Variants in ZNF385D observed in about 807,000 individuals in gnomAD.
ZNF385D encodes zinc finger protein 385D, also known as zinc finger protein 659.
In ZNF385D, 15 loss-of-function variants were observed where a neutral mutation model predicts 35.8. The observed-to-expected ratio is 0.42, with a 90% CI of 0.28 to 0.64. ZNF385D has a LOEUF of 0.64. ZNF385D is among the 30% of genes least tolerant of loss of function. The pLI, the probability that ZNF385D is intolerant of heterozygous loss-of-function variation, is 0.23. For synonymous variants in ZNF385D, 212 were observed against 186.8 expected (o/e 1.13, Z -1.10); for missense variants, 474 against 494.6 (o/e 0.96, Z 0.39).
At chr3:22,302,604 T>C (rs1166029544) in intron 2 of ZNF385D, among the ~76,000 whole-genome samples, 1 of 151,980 alleles carries the variant, frequency 6.6e-6, no homozygotes, top group Non-Finnish European at 1.5e-5. Flanking sequence ...CTATTAAAAT[T>C]AAGAATAAAA....
intron 3 of ZNF385D, among the ~76,000 whole-genome samples, chr3:22,143,867 CTT>C (rs1330527561): frequency 2.8e-4 from 42 of 152,026 alleles, no homozygotes; most frequent in African/African-American, 9.4e-4. Flanking sequence ...TGTATTATTT[CTT>C]TGTCATTAAC....
At chr3:21,473,271 G>T (rs1310425878) in intron 4 of ZNF385D, among the ~76,000 whole-genome samples, 1 of 151,962 alleles carries the variant, frequency 6.6e-6, no homozygotes, top group African/African-American at 2.4e-5. Context: ...TGGTGGTCTG[G>T]CTCAGCACCC....
At chr3:22,240,581 C>T (rs1032645818) in intron 2 of ZNF385D, among the ~76,000 whole-genome samples, 5 of 150,992 alleles carry the variant, frequency 3.3e-5, no homozygotes, top group African/African-American at 1.2e-4. Flanking sequence ...TCATGGACTG[C>T]ACAATGTGAC....
chr3:21,552,055 A>G lies in ZNF385D; in HGVS notation c.276+12519T>C, dbSNP rs188973939. Among the ~76,000 whole-genome samples the G allele has an allele frequency of 1.8e-4, 28 of 152,320 alleles. No individual in the cohort carries two copies. In the South Asian group the frequency reaches 1.9e-3, roughly 10 times the overall value. On this transcript the variant is annotated intron_variant, in intron 3 of 7. Coordinates refer to ENST00000281523, the MANE Select transcript of ZNF385D (RefSeq NM_024697.3). ...GTTCATAAGGCAAAACTACTTTCCT[A>G]TGTGATAGAGGATTCAACCAAGCAT...
chr3:21,998,172 G>A (rs962628159), intron 3 of ZNF385D, among the ~76,000 whole-genome samples: 1 of 152,068 alleles, frequency 6.6e-6, no homozygotes, highest in Non-Finnish European at 1.5e-5. Context: ...CAGAAAGTTA[G>A]TGAATAACCT....
At position 21,903,541 on chromosome 3, in the gene ZNF385D, G is replaced by T. The variant is rs145610758; in HGVS notation, c.326-238513C>A. On this transcript the variant is annotated intron_variant, in intron 3 of 5. Transcript: ENST00000494108. ...AAAATCAAAATTGATGGCTGCTACA[G>T]AACTTTTACAAGTTGATGGAAATGT... Among the ~76,000 whole-genome samples, 270 of 152,268 alleles carry T rather than the reference G, an allele frequency of 1.8e-3. 4 individuals carry two copies. The highest frequency in any genetic ancestry group is 6.2e-3 in the African/African-American group (259 of 41,570).
At chr3:22,270,420 GCCAA>G (rs1382985221) in intron 2 of ZNF385D, among the ~76,000 whole-genome samples, 6 of 151,922 alleles carry the variant, frequency 3.9e-5, no homozygotes, top group Admixed American at 6.6e-5. Flanking sequence ...CTTAAAATCT[GCCAA>G]CCAACATTTT....
intron 3 of ZNF385D, among the ~76,000 whole-genome samples, chr3:22,132,426 G>A (rs1452222632): frequency 6.6e-6 from 1 of 152,028 alleles, no homozygotes; most frequent in African/African-American, 2.4e-5. Context: ...ATGATATTTT[G>A]TAATAGCAGT....
chr3:22,291,977 A>C (rs1702324018), intron 2 of ZNF385D, among the ~76,000 whole-genome samples: 1 of 152,002 alleles, frequency 6.6e-6, no homozygotes. Context: ...GAACTGGTTA[A>C]TCTTCACAAA....
chr3:21,868,271 C>T (rs1370790033), intron 3 of ZNF385D, among the ~76,000 whole-genome samples: 5 of 150,488 alleles, frequency 3.3e-5, no homozygotes, highest in Admixed American at 1.3e-4. Context: ...TGGCTGTGTA[C>T]TAATAAACAT....
intron 2 of ZNF385D, among the ~76,000 whole-genome samples, chr3:22,245,372 C>G (rs1230195752): frequency 1.3e-5 from 2 of 151,528 alleles, no homozygotes; most frequent in Non-Finnish European, 2.9e-5. Context: ...GGAAAGCATG[C>G]TGCTACTTAC....
intron 3 of ZNF385D, among the ~76,000 whole-genome samples, chr3:21,975,457 T>C (rs150776154): frequency 2.6e-4 from 40 of 152,092 alleles, no homozygotes; most frequent in African/African-American, 8.4e-4. Context: ...TATGGTTAGA[T>C]AGAATGAATA....
intron 2 of ZNF385D, among the ~76,000 whole-genome samples, chr3:22,362,781 G>A (rs1396383501): frequency 6.6e-6 from 1 of 151,902 alleles, no homozygotes; most frequent in East Asian, 1.9e-4. Flanking sequence ...TGTTTTTAAG[G>A]CAAATTGCAG....
intron 3 of ZNF385D, among the ~76,000 whole-genome samples, chr3:22,093,096 A>G (rs1472663198): frequency 6.6e-6 from 1 of 152,132 alleles, no homozygotes; most frequent in Non-Finnish European, 1.5e-5. Flanking sequence ...TAGTGGGAGA[A>G]GTGAAGTGTT....
intron 2 of ZNF385D, among the ~76,000 whole-genome samples, chr3:22,325,383 G>A (rs992477633): frequency 1.3e-5 from 2 of 152,164 alleles, no homozygotes; most frequent in African/African-American, 4.8e-5. Flanking sequence ...TAGTTGTACA[G>A]CAATACAGTA....
At chr3:21,859,532 A>T (rs1696925094) in intron 3 of ZNF385D, among the ~76,000 whole-genome samples, 1 of 151,912 alleles carries the variant, frequency 6.6e-6, no homozygotes, top group Non-Finnish European at 1.5e-5. Flanking sequence ...TGGAATAGAG[A>T]GTTCAGGAAA....
At chr3:21,611,190 A>G (rs1196737018) in intron 2 of ZNF385D, among the ~76,000 whole-genome samples, 10 of 152,208 alleles carry the variant, frequency 6.6e-5, no homozygotes, top group Admixed American at 6.5e-4. Context: ...GGTCCTGCCC[A>G]TGTTGAACAA....
chr3:21,443,452 G>T, intron 4 of ZNF385D: 1 of 482,816 alleles, frequency 2.1e-6, no homozygotes, highest in African/African-American at 2.1e-5. Context: ...TATACAGGAT[G>T]CTGTGTTAAT....
chr3:21,420,898 C>T lies in ZNF385D; in HGVS notation c.*316G>A. 3.7e-6 allele frequency: 1 copy of T among 267,844 alleles called. No individual in the cohort carries two copies. Among genetic ancestry groups the T allele is most frequent in the Non-Finnish European group, 7.2e-6 (1 of 138,970 alleles). The allele number at this position is 267,844 out of a possible 1,614,324, so 16.6% of individuals were successfully genotyped here. A position where few individuals can be genotyped will look rare whatever the true frequency, so the allele number is the denominator to read the frequency against. ...GTTTCATAAAGCAGGACAGACAATG[C>T]AGAGGGAAATAGGTGCCCAAAAGCA... On this transcript the variant is annotated 3_prime_UTR_variant, in exon 8 of 8. Transcript: ENST00000281523.
Sources: allele counts gnomAD v4.1 joint callset (sites outside exome capture counted in the v4.1 genomes callset), GRCh38; gene constraint gnomAD v4.1.1; transcripts MANE v1.5; gene names NCBI Gene and HGNC (gene_info 2026-07-23, HGNC 2026-07-21).